XYLT2: variants seen among roughly 807,000 people sequenced by gnomAD.
XYLT2 encodes UDP-D-xylose:proteoglycan core protein beta-D-xylosyltransferase.
In XYLT2, 37 loss-of-function variants were observed where a neutral mutation model predicts 82.6. That is an observed-to-expected ratio of 0.45 (90% CI 0.34 to 0.59). The LOEUF (loss-of-function observed/expected upper bound fraction) is 0.59, where lower values mean the gene tolerates loss of function less well. Among genes scored for constraint, XYLT2 ranks in the 20% least tolerant of loss-of-function variants. XYLT2 has a pLI of 0.01. For synonymous variants in XYLT2, 474 were observed against 499.0 expected (o/e 0.95, Z 0.67); for missense variants, 934 against 1,181.3 (o/e 0.79, Z 3.07).
Position 50,346,150 on chromosome 17 carries a change from A to C in XYLT2, c.10A>C (p.Ser4Arg), listed in dbSNP as rs1912022370. Residue 4 changes from serine to arginine, a missense_variant, in exon 1 of 11, where the codon AGC becomes CGC. Coordinates refer to ENST00000017003, the MANE Select transcript of XYLT2 (RefSeq NM_022167.4). This position sits in a 1 kb window ranked among gnomAD's most constrained non-coding sequence, Gnocchi z 5.1. ...CGTCCCGGGCAGGAAGATGGTGGCG[A>C]GCGCGCGAGTGCAGAAGCTGGTGCG... MVASARVQKLVRRY... is the reference protein window; with the variant it reads MVARARVQKLVRRY... 4 of 1,255,926 alleles carry C rather than the reference A, an allele frequency of 3.2e-6. No homozygotes were observed. The highest frequency in any genetic ancestry group is 9.6e-5 in the East Asian group (2 of 20,852). The allele number at this position is 1,255,926 out of a possible 1,614,324, so 77.8% of individuals were successfully genotyped here.
chr17:50,347,664 C>G (rs1482077831), intron 1 of XYLT2, among the ~76,000 whole-genome samples: 1 of 152,244 alleles, frequency 6.6e-6, no homozygotes, highest in Admixed American at 6.5e-5. Context: ...GCCCCCATCC[C>G]CCACCACCTC....
chr17:50,354,421 C>T lies in XYLT2; in HGVS notation c.642C>T (p.Pro214=), dbSNP rs201595177. The change falls in exon 3 of 11, where the codon CCC becomes CCT. Residue 214 remains proline (P), a synonymous_variant. Transcript: ENST00000017003. ...CTCTGCTCTCAGGGAAGATGAGCCC[C>T]GGCATCCAGTGGGATGAGAGCCAAG... The part of the protein sequence containing the change: ...RHCQLTGKMS[P]GIQWDESQAQ... The T allele has an allele frequency of 1.2e-5, 20 of 1,607,902 alleles. No individual in the cohort carries two copies. The highest frequency in any genetic ancestry group is 1.5e-5 in the Non-Finnish European group (18 of 1,177,488).
chr17:50,346,980 G>T lies in XYLT2; in HGVS notation c.135+705G>T, dbSNP rs955367934. ...TAGGGAATTAGGGAGGGGCCCTCTG[G>T]CTTTAAGGGAATGGGGACTGTAACA... On this transcript the variant is annotated intron_variant, in intron 1 of 10. Coordinates refer to ENST00000017003, the MANE Select transcript of XYLT2 (RefSeq NM_022167.4). This position sits in a 1 kb window ranked among gnomAD's most constrained non-coding sequence, Gnocchi z 5.1. 8 of 973,938 alleles carry T rather than the reference G, an allele frequency of 8.2e-6. No homozygotes were observed. The South Asian group carries it at 3.3e-4, about 40-fold the overall frequency. The allele number at this position is 973,938 out of a possible 1,614,324, so 60.3% of individuals were successfully genotyped here. A position where few individuals can be genotyped will look rare whatever the true frequency, so the allele number is the denominator to read the frequency against.
chr17:50,360,793 G>T lies in XYLT2; in HGVS notation c.*502G>T. Reference sequence around the variant, plus strand: ...TTCTGGGCCTGTGGTGCTCGTGGCTGAGGCTCCACAGGGCTGCAAGTGCCC... The same window carrying T: ...TTCTGGGCCTGTGGTGCTCGTGGCTTAGGCTCCACAGGGCTGCAAGTGCCC... On this transcript the variant is annotated 3_prime_UTR_variant, in exon 11 of 11. Coordinates refer to ENST00000017003, the MANE Select transcript of XYLT2 (RefSeq NM_022167.4). 1 of 986,376 alleles carries T rather than the reference G, an allele frequency of 1.0e-6. No homozygotes were observed. Among genetic ancestry groups the T allele is most frequent in the Non-Finnish European group, 1.2e-6 (1 of 830,344 alleles). 61.1% of individuals were successfully genotyped at this position (986,376 alleles called of 1,614,324 possible).
At chr17:50,354,357 C>A in intron 2 of XYLT2, 51 bp from the exon 3 acceptor site, 2 of 1,547,846 alleles carry the variant, frequency 1.3e-6, no homozygotes. Context: ...CATCTCACCC[C>A]CACCCTGTGA....
chr17:50,354,197 C>T (rs1912408618), intron 2 of XYLT2, 75 bp downstream of exon 2: 1 of 1,586,804 alleles, frequency 6.3e-7, no homozygotes, highest in Middle Eastern at 2.1e-4. Context: ...TCACCCCTAT[C>T]TCTCTGAGGA....
At chr17:50,351,225 C>T (rs1250704482) in intron 1 of XYLT2, among the ~76,000 whole-genome samples, 1 of 152,078 alleles carries the variant, frequency 6.6e-6, no homozygotes, top group Admixed American at 6.6e-5. Flanking sequence ...ACCAGGGAAT[C>T]CAGGCAGGGA....
rs1038150808 is a variant in XYLT2, at chr17:50,356,784, C to T, written c.1745+11C>T. 4 of 1,596,556 alleles carry T rather than the reference C, an allele frequency of 2.5e-6. No individual in the cohort carries two copies. The highest frequency in any genetic ancestry group is 2.2e-5 in the East Asian group (1 of 44,726). On this transcript the variant is annotated intron_variant, in intron 8 of 10. Transcript: ENST00000017003. ...CACCCCACTCTGCAGGTGAGACCCC[C>T]TTCTGACATACAGCAGGCCCTTGGG... is the stretch of plus-strand genomic sequence containing the variant.
intron 2 of XYLT2, 40 bp from the exon 3 acceptor site, chr17:50,354,368 C>A: frequency 6.4e-7 from 1 of 1,566,956 alleles, no homozygotes; most frequent in South Asian, 1.2e-5. Context: ...CACCCTGTGA[C>A]CTAGGGTGGG....
chr17:50,360,422 C>T lies in XYLT2; in HGVS notation c.*131C>T, dbSNP rs1912754392. ...CCATTTCAGCCATCAAGAACCCACA[C>T]AGACGGCAGGGAAGGTGGACACAGT... On this transcript the variant is annotated 3_prime_UTR_variant, in exon 11 of 11. Coordinates refer to ENST00000017003, the MANE Select transcript of XYLT2 (RefSeq NM_022167.4). The T allele has an allele frequency of 7.0e-7, 1 of 1,431,808 alleles. No individual in the cohort carries two copies. The highest frequency in any genetic ancestry group is 1.5e-5 in the South Asian group (1 of 66,506). 88.7% of individuals were successfully genotyped at this position (1,431,808 alleles called of 1,614,324 possible). A position where few individuals can be genotyped will look rare whatever the true frequency, so the allele number is the denominator to read the frequency against.
Position 50,355,031 on chromosome 17 carries a change from C to T in XYLT2, c.982C>T (p.Leu328Phe). The T allele has an allele frequency of 6.5e-7, 1 of 1,538,592 alleles. No homozygotes were observed. Among genetic ancestry groups the T allele is most frequent in the Non-Finnish European group, 8.7e-7 (1 of 1,142,960 alleles). The change falls in exon 4 of 11, where the codon CTC (leucine) becomes TTC (phenylalanine). Residue 328 changes from leucine to phenylalanine, a missense_variant. Physicochemically the swap from Leu to Phe is conservative, Grantham distance 22. Coordinates refer to ENST00000017003, the MANE Select transcript of XYLT2 (RefSeq NM_022167.4). ...PGWAWDFFIN[L>F]SATDYPTRTN... ...CTGGGCCTGGGACTTCTTCATCAAC[C>T]TCAGTGCCACTGACTATCCAACCAG... is the stretch of plus-strand genomic sequence containing the variant.
In XYLT2 at chr17:50,356,606, C is replaced by A; in HGVS notation, c.1578C>A (p.Tyr526Ter). The change falls in exon 8 of 11, where the codon TAC becomes TAA. Residue 526 changes from tyrosine to a stop codon, truncating the protein, a stop_gained. Transcript: ENST00000017003. LOFTEE classifies it high-confidence loss of function. ...EILDFHLYGS[Y>*]PPGTPALKAY... ...TGGACTTCCACCTGTATGGCAGCTA[C>A]CCCCCCGGCACGCCAGCCCTCAAGG... 1 of 1,601,262 alleles carries A rather than the reference C, an allele frequency of 6.2e-7. No individual in the cohort carries two copies. The highest frequency in any genetic ancestry group is 8.6e-7 in the Non-Finnish European group (1 of 1,169,140).
intron 9 of XYLT2, chr17:50,357,932 T>C: frequency 2.3e-6 from 1 of 437,614 alleles, no homozygotes; most frequent in Non-Finnish European, 4.1e-6. Context: ...GAATGGTCTC[T>C]GGGCAGGACT....
In XYLT2 at chr17:50,346,599, G is replaced by A. The variant is rs973266066; in HGVS notation, c.135+324G>A. On this transcript the variant is annotated intron_variant, in intron 1 of 10. Transcript: ENST00000017003. The surrounding 1 kb of genome is among the most constrained non-coding windows in gnomAD (Gnocchi z 5.1). The stretch of plus-strand genomic sequence containing the variant: ...GGCGCGGCGAGCGGGGCTGGGAGGC[G>A]GGGCTGGGCCCGAACCTGCTCGGAG... 37 of 984,854 alleles carry A rather than the reference G, an allele frequency of 3.8e-5. No homozygotes were observed. The African/African-American group carries it at 6.3e-4, about 17-fold the overall frequency. 61.0% of individuals were successfully genotyped at this position (984,854 alleles called of 1,614,324 possible).
chr17:50,346,586 G>C lies in XYLT2; in HGVS notation c.135+311G>C, dbSNP rs908594959. 1.2e-5 allele frequency: 12 copies of C among 983,098 alleles called. No individual in the cohort carries two copies. Among genetic ancestry groups the C allele is most frequent in the Non-Finnish European group, 1.3e-5 (11 of 827,818 alleles). The allele number at this position is 983,098 out of a possible 1,614,324, so 60.9% of individuals were successfully genotyped here. On this transcript the variant is annotated intron_variant, in intron 1 of 10. Transcript: ENST00000017003. This position sits in a 1 kb window ranked among gnomAD's most constrained non-coding sequence, Gnocchi z 5.1. ...GCGATGAAGGTCAGGCGCGGCGAGC[G>C]GGGCTGGGAGGCGGGGCTGGGCCCG... is the stretch of plus-strand genomic sequence containing the variant.
chr17:50,357,521 G>A (rs963313962), intron 9 of XYLT2: 2 of 395,848 alleles, frequency 5.1e-6, no homozygotes, highest in Non-Finnish European at 8.9e-6. Context: ...AGACTACAGA[G>A]ATTTCGCCTA....
At chr17:50,347,849 AC>A (rs1244210044) in intron 1 of XYLT2, among the ~76,000 whole-genome samples, 2 of 152,180 alleles carry the variant, frequency 1.3e-5, no homozygotes, top group Admixed American at 1.3e-4. Context: ...CTGAAGCTGG[AC>A]CACCCACTTC....
chr17:50,347,289 T>A (rs1470320456), intron 1 of XYLT2, among the ~76,000 whole-genome samples: 1 of 152,224 alleles, frequency 6.6e-6, no homozygotes, highest in Non-Finnish European at 1.5e-5. Context: ...TATCTGCTGC[T>A]GTCCTCCGGC....
At chr17:50,353,462 C>G (rs1173505573) in intron 1 of XYLT2, among the ~76,000 whole-genome samples, 168 bp from the exon 2 acceptor site, 1 of 152,126 alleles carries the variant, frequency 6.6e-6, no homozygotes, top group Admixed American at 6.5e-5. Flanking sequence ...CAGGGAGGTG[C>G]TCCCATGGTG....
Sources: allele counts gnomAD v4.1 joint callset (sites outside exome capture counted in the v4.1 genomes callset), GRCh38; gene constraint gnomAD v4.1.1; non-coding constraint Gnocchi (gnomAD v3.1); transcripts MANE v1.5; gene names NCBI Gene and HGNC (gene_info 2026-07-23, HGNC 2026-07-21).